The following SOX6 variants were observed in gnomAD, a reference collection of about 807,000 sequenced individuals.
SOX6 encodes the protein transcription factor SOX-6.
In SOX6, 11 loss-of-function variants were observed where a neutral mutation model predicts 97.8. That is an observed-to-expected ratio of 0.11 (90% CI 0.07 to 0.19). The LOEUF is 0.19. Ranked by LOEUF, SOX6 falls within the 10% of genes least tolerant of loss-of-function variation. The pLI is 1.00. For missense variants in SOX6, 810 were observed against 1,039.5 expected, an observed-to-expected ratio of 0.78 and a Z score of 3.04; for synonymous variants, 360 against 371.4, an observed-to-expected ratio of 0.97 and a Z score of 0.35.
At chr11:16,471,943 G>A (rs1390178835) in intron 1 of SOX6, among the ~76,000 whole-genome samples, 1 of 152,160 alleles carries the variant, frequency 6.6e-6, no homozygotes, top group African/African-American at 2.4e-5. Flanking sequence ...GACAAAATCT[G>A]ACTAAAAGAT....
In SOX6 at chr11:16,409,930, T is replaced by C. The variant is rs117648763; in HGVS notation, c.-5+66385A>G. 1.8e-3 allele frequency among the ~76,000 whole-genome samples: 274 copies of C among 152,046 alleles called. 7 individuals carry two copies. The South Asian group carries it at 0.029, about 16-fold the overall frequency. ...AATATATAGAAAACCAAAAACCACA[T>C]GTTCTCCCTTATATGTGGAATCTAA... On this transcript the variant is annotated intron_variant, in intron 1 of 15. Transcript: ENST00000396356.
At chr11:16,305,889 T>C (rs1452976312) in intron 3 of SOX6, among the ~76,000 whole-genome samples, 1 of 152,112 alleles carries the variant, frequency 6.6e-6, no homozygotes, top group Non-Finnish European at 1.5e-5. Flanking sequence ...GGCAAAATGT[T>C]AGAAGTAAAG....
chr11:16,212,878 C>T (rs1024713210), intron 4 of SOX6, among the ~76,000 whole-genome samples: 1 of 152,160 alleles, frequency 6.6e-6, no homozygotes, highest in African/African-American at 2.4e-5. Context: ...ATGTCTATCA[C>T]ATGGATTTTG....
intron 4 of SOX6, among the ~76,000 whole-genome samples, chr11:16,539,974 C>A (rs578217288): frequency 3.9e-5 from 6 of 152,270 alleles, no homozygotes; most frequent in Admixed American, 1.3e-4. Context: ...TTTTATGAGG[C>A]CAGCATCATC....
At position 16,046,582 on chromosome 11, in the gene SOX6, G is replaced by C. The variant is rs761072479; in HGVS notation, c.1555C>G (p.Pro519Ala). Residue 519 changes from proline to alanine, a missense_variant, in exon 12 of 16, where the codon CCA becomes GCA. This residue lies in a region of SOX6 where 120 missense variants were observed against 127.0 expected (regional missense o/e 0.94). Transcript: ENST00000683767. ...QIQREQQQQQ[P>A]HGVDGKLSSI... Reference sequence around the variant, plus strand: ...GACAGTTTCCCGTCAACACCATGTGGCTGTTGCTGCTGTTGCTCCCGCTGG... The same window carrying C: ...GACAGTTTCCCGTCAACACCATGTGCCTGTTGCTGCTGTTGCTCCCGCTGG... The C allele has an allele frequency of 6.2e-7, 1 of 1,613,622 alleles. No individual in the cohort carries two copies. Among genetic ancestry groups the C allele is most frequent in the African/African-American group, 1.3e-5 (1 of 74,892 alleles).
intron 1 of SOX6, among the ~76,000 whole-genome samples, chr11:16,344,824 T>C (rs937422001): frequency 2.0e-5 from 3 of 151,918 alleles, no homozygotes; most frequent in African/African-American, 7.2e-5. Context: ...TTTTAATTTG[T>C]ATTAAAAAAA....
upstream of SOX6, among the ~76,000 whole-genome samples, chr11:16,480,647 C>CA (rs1170431626): frequency 1.3e-4 from 7 of 55,160 alleles, no homozygotes; most frequent in African/African-American, 2.1e-4. Flanking sequence ...TTTTAGTAAC[C>CA]CCCCCCCCAC....
intron 1 of SOX6, among the ~76,000 whole-genome samples, chr11:16,371,720 G>C (rs1025906445): frequency 1.8e-4 from 28 of 152,228 alleles, no homozygotes; most frequent in African/African-American, 6.7e-4. Flanking sequence ...TCATTCTAAA[G>C]TGTAAAATTG....
rs577799080 is a variant in SOX6 at position 16,065,544 on chromosome 11, C to G, written c.1102-9643G>C. On this transcript the variant is annotated intron_variant, in intron 9 of 15. Transcript: ENST00000683767. ...TTATAGTAACCAAAACAGCATAGTA[C>G]TGGCATAAAAACAGGCACATAGGCC... Among the ~76,000 whole-genome samples, 3 of 151,966 alleles carry G rather than the reference C, an allele frequency of 2.0e-5. No homozygotes were observed. The South Asian group carries it at 6.2e-4, about 32-fold the overall frequency.
At chr11:16,106,439 T>C (rs940645049) in intron 7 of SOX6, among the ~76,000 whole-genome samples, 1 of 152,104 alleles carries the variant, frequency 6.6e-6, no homozygotes, top group African/African-American at 2.4e-5. Context: ...TTTACATATA[T>C]AGTTGATTGA....
At chr11:16,693,119 G>A (rs935791050) in intron 3 of SOX6, among the ~76,000 whole-genome samples, 1 of 152,146 alleles carries the variant, frequency 6.6e-6, no homozygotes, top group African/African-American at 2.4e-5. Flanking sequence ...ATTCCTAGAA[G>A]TGAGGTTGAA....
chr11:16,179,082 G>A (rs1465004245), intron 6 of SOX6, among the ~76,000 whole-genome samples: 1 of 151,838 alleles, frequency 6.6e-6, no homozygotes, highest in Non-Finnish European at 1.5e-5. Flanking sequence ...CTGATCTTTA[G>A]ACAACTACTT....
intron 15 of SOX6, among the ~76,000 whole-genome samples, chr11:15,981,966 C>T (rs982311707): frequency 2.0e-5 from 3 of 151,896 alleles, no homozygotes; most frequent in African/African-American, 4.8e-5. Flanking sequence ...TCTCATTCTA[C>T]ATATGAAGAA....
At chr11:16,314,638 C>T (rs1250810027) in intron 3 of SOX6, 1 of 152,116 alleles carries the variant, frequency 6.6e-6, no homozygotes. Flanking sequence ...GGTCTGTAAA[C>T]TTTTGTGGAA....
rs573299608 is a variant in SOX6 at position 15,986,512 on chromosome 11, A to G, written c.1967-92T>C. On this transcript the variant is annotated intron_variant, in intron 14 of 15. Coordinates refer to ENST00000683767, the MANE Select transcript of SOX6 (RefSeq NM_001367873.1). ...GATATACCTTCCCATCACTTCACTC[A>G]TCTGTGCGCTGGGTGGCTCCAATTC... 4.0e-6 allele frequency: 5 copies of G among 1,238,338 alleles called. No homozygotes were observed. The East Asian group carries it at 1.2e-4, about 30-fold the overall frequency. 76.7% of individuals were successfully genotyped at this position (1,238,338 alleles called of 1,614,324 possible).
At chr11:16,412,228 C>T (rs1858835728) in intron 1 of SOX6, among the ~76,000 whole-genome samples, 1 of 152,158 alleles carries the variant, frequency 6.6e-6, no homozygotes, top group South Asian at 2.1e-4. Flanking sequence ...TCAGCTAAAA[C>T]TATATTTGTT....
At chr11:16,473,051 TATTG>T (rs1376948606) in intron 1 of SOX6, among the ~76,000 whole-genome samples, 36 of 152,342 alleles carry the variant, frequency 2.4e-4, no homozygotes. Context: ...ATATAATATA[TATTG>T]ATTAATTTCA....
rs951451700 is a variant in SOX6, at chr11:16,187,720, C to G, written c.536-765G>C. On this transcript the variant is annotated intron_variant, in intron 4 of 15. Coordinates refer to ENST00000683767, the MANE Select transcript of SOX6 (RefSeq NM_001367873.1). ...ATATGCTGTTTAATGAATATGATGT[C>G]GCTGAACACTTATGGTATGCACTAA... Among the ~76,000 whole-genome samples, 4 of 152,132 alleles carry G rather than the reference C, an allele frequency of 2.6e-5. No individual in the cohort carries two copies. The South Asian group carries it at 8.3e-4, about 32-fold the overall frequency.
At chr11:16,182,941 C>T (rs1851381740) in intron 6 of SOX6, among the ~76,000 whole-genome samples, 1 of 151,618 alleles carries the variant, frequency 6.6e-6, no homozygotes, top group Non-Finnish European at 1.5e-5. Context: ...TGATATTAAC[C>T]TCAAGAAAAG....
Sources: gnomAD v4.1 joint callset for allele counts (sites outside exome capture counted in the v4.1 genomes callset) on GRCh38, gnomAD v4.1.1 for gene constraint, gnomAD v4.1.1 regional missense constraint, MANE v1.5 for transcripts, NCBI Gene and HGNC (gene_info 2026-07-23, HGNC 2026-07-21) for gene names.